Variants in PITPNC1 observed in about 807,000 individuals in gnomAD.
PITPNC1 encodes phosphatidylinositol transfer protein cytoplasmic 1.
In PITPNC1, 18 loss-of-function variants were observed where a neutral mutation model predicts 44.7. The observed-to-expected ratio is 0.40, with a 90% confidence interval of 0.28 to 0.60. The LOEUF is 0.60. Ranked by LOEUF, PITPNC1 falls within the 20% of genes least tolerant of loss-of-function variation. The pLI is 0.39. For synonymous variants in PITPNC1, 141 were observed against 149.6 expected, an observed-to-expected ratio of 0.94 and a Z score of 0.42; for missense variants, 290 against 418.4, an observed-to-expected ratio of 0.69 and a Z score of 2.68.
At chr17:67,624,209 C>CTTTTTTTTTT (rs1567745177) in intron 5 of PITPNC1, among the ~76,000 whole-genome samples, 1 of 84,816 alleles carries the variant, frequency 1.2e-5, no homozygotes. Flanking sequence ...TTCTTTCTTT[C>CTTTTTTTTTT]TTTTCTTTTT....
At chr17:67,488,945 T>C (rs2039822735) in intron 1 of PITPNC1, among the ~76,000 whole-genome samples, 1 of 152,202 alleles carries the variant, frequency 6.6e-6, no homozygotes, top group Non-Finnish European at 1.5e-5. Flanking sequence ...CAGGAGTGAA[T>C]AATATTCCAT....
rs111954702 is a variant in PITPNC1, at chr17:67,492,614, A to G, written c.49-40188A>G. Reference sequence around the variant, plus strand: ...AAACTAATAAAATCATCACACCTAGATGAAGAAGCAGAATGTTTCCAAAAC... The same window carrying G: ...AAACTAATAAAATCATCACACCTAGGTGAAGAAGCAGAATGTTTCCAAAAC... On this transcript the variant is annotated intron_variant, in intron 1 of 8. Coordinates refer to ENST00000581322, the MANE Select transcript of PITPNC1 (RefSeq NM_012417.4). 4.6e-3 allele frequency among the ~76,000 whole-genome samples: 703 copies of G among 152,298 alleles called. 7 individuals are homozygous for G. The highest frequency in any genetic ancestry group is 0.016 in the African/African-American group (661 of 41,560).
intron 1 of PITPNC1, among the ~76,000 whole-genome samples, chr17:67,415,784 A>G (rs899989167): frequency 3.3e-5 from 5 of 152,182 alleles, no homozygotes; most frequent in Non-Finnish European, 5.9e-5. Flanking sequence ...TCTGAAGATC[A>G]TGTTGTACTC....
chr17:67,531,774 G>A (rs144290683), intron 1 of PITPNC1, among the ~76,000 whole-genome samples: 15 of 152,258 alleles, frequency 9.9e-5, no homozygotes, highest in African/African-American at 3.6e-4. Context: ...TCCCAGAGGC[G>A]TCGGTGGTAA....
intron 1 of PITPNC1, among the ~76,000 whole-genome samples, chr17:67,468,595 G>A (rs546507519): frequency 1.3e-4 from 19 of 150,546 alleles, no homozygotes; most frequent in African/African-American, 4.4e-4. Context: ...AGTAGAGACG[G>A]GGTTTCACCG....
At chr17:67,541,499 AGT>A (rs1251307021) in intron 2 of PITPNC1, among the ~76,000 whole-genome samples, 3 of 151,732 alleles carry the variant, frequency 2.0e-5, no homozygotes, top group African/African-American at 4.9e-5. Flanking sequence ...ACAATAATTT[AGT>A]GTGTGTGTAA....
At chr17:67,649,666 C>T (rs1369907061) in intron 6 of PITPNC1, among the ~76,000 whole-genome samples, 2 of 152,234 alleles carry the variant, frequency 1.3e-5, no homozygotes. Context: ...AGGTGGATCA[C>T]TTGAGGCCAG....
intron 1 of PITPNC1, among the ~76,000 whole-genome samples, chr17:67,383,307 G>T (rs1488943361): frequency 6.6e-6 from 1 of 152,182 alleles, no homozygotes; most frequent in African/African-American, 2.4e-5. Context: ...CTACCTCATT[G>T]ACAAACTCTA....
intron 1 of PITPNC1, among the ~76,000 whole-genome samples, chr17:67,434,213 C>CA (rs1237491431): frequency 6.6e-6 from 1 of 152,182 alleles, no homozygotes; most frequent in African/African-American, 2.4e-5. Flanking sequence ...GTAATGCTGA[C>CA]ACCTCAGCTG....
intron 5 of PITPNC1, among the ~76,000 whole-genome samples, chr17:67,604,581 G>A (rs917597365): frequency 3.9e-5 from 6 of 152,306 alleles, no homozygotes; most frequent in Non-Finnish European, 7.3e-5. Context: ...TCAGGAGTTC[G>A]AGACCAGCCT....
intron 1 of PITPNC1, among the ~76,000 whole-genome samples, chr17:67,471,254 AAAG>A (rs1169723213): frequency 2.5e-4 from 38 of 150,778 alleles, no homozygotes; most frequent in Admixed American, 5.9e-4. Context: ...AAAAAAAAAA[AAAG>A]AAATTCATCC....
chr17:67,491,198 C>T (rs1015416412), intron 1 of PITPNC1, among the ~76,000 whole-genome samples: 11 of 152,380 alleles, frequency 7.2e-5, no homozygotes, highest in South Asian at 2.1e-4. Flanking sequence ...ATCAGGATGA[C>T]GCAGAGAGGC....
At chr17:67,470,832 G>A (rs1424864553) in intron 1 of PITPNC1, among the ~76,000 whole-genome samples, 3 of 147,172 alleles carry the variant, frequency 2.0e-5, no homozygotes, top group African/African-American at 5.0e-5. Context: ...GTAGACATGG[G>A]AGACTTTTCA....
intron 2 of PITPNC1, among the ~76,000 whole-genome samples, chr17:67,538,889 A>G (rs1412376947): frequency 1.3e-5 from 2 of 151,938 alleles, no homozygotes; most frequent in African/African-American, 4.8e-5. Context: ...TAAGTATTTC[A>G]AAATGCACAT....
intron 4 of PITPNC1, 76 bp downstream of exon 4, chr17:67,553,693 G>T (rs531467532): frequency 7.5e-6 from 4 of 534,416 alleles, no homozygotes; most frequent in East Asian, 6.7e-5. Context: ...TGTATTACTT[G>T]TCTTATCAAT....
At chr17:67,498,124 C>T (rs1211289486) in intron 1 of PITPNC1, among the ~76,000 whole-genome samples, 2 of 152,178 alleles carry the variant, frequency 1.3e-5, no homozygotes, top group Admixed American at 1.3e-4. Context: ...CCCACCTGAG[C>T]CTCCCAAAGT....
intron 5 of PITPNC1, among the ~76,000 whole-genome samples, chr17:67,627,918 T>C (rs1789432616): frequency 6.6e-6 from 1 of 151,756 alleles, no homozygotes; most frequent in Admixed American, 6.6e-5. Flanking sequence ...CTTTTTCTTC[T>C]TCTTCTTTTT....
chr17:67,472,774 T>A (rs2039562357), intron 1 of PITPNC1, among the ~76,000 whole-genome samples: 1 of 152,132 alleles, frequency 6.6e-6, no homozygotes, highest in Non-Finnish European at 1.5e-5. Context: ...CGTCTATTCA[T>A]TAGAAGTGAG....
intron 1 of PITPNC1, among the ~76,000 whole-genome samples, chr17:67,518,177 G>C (rs1235630273): frequency 1.3e-5 from 2 of 152,128 alleles, no homozygotes; most frequent in African/African-American, 4.8e-5. Context: ...ACTGAAAACA[G>C]CTTCTATAAC....
Sources: allele counts gnomAD v4.1 joint callset (sites outside exome capture counted in the v4.1 genomes callset), GRCh38; gene constraint gnomAD v4.1.1; transcripts MANE v1.5; gene names NCBI Gene and HGNC (gene_info 2026-07-23, HGNC 2026-07-21).